The following GABRG2 variants were observed in gnomAD, a reference collection of about 807,000 sequenced individuals.
The protein encoded by GABRG2 is gamma-aminobutyric acid receptor subunit gamma-2.
Under a neutral mutation model 56.4 loss-of-function variants are expected in GABRG2, and 16 were observed. That is an observed-to-expected ratio of 0.28 (90% CI 0.19 to 0.43). The LOEUF (loss-of-function observed/expected upper bound fraction) is 0.43. Among genes scored for constraint, GABRG2 ranks in the 20% least tolerant of loss-of-function variants. The pLI is 1.00. For synonymous variants in GABRG2, 208 were observed against 205.5 expected, an observed-to-expected ratio of 1.01 and a Z score of -0.10; for missense variants, 327 against 582.7, an observed-to-expected ratio of 0.56 and a Z score of 4.52.
chr5:162,075,281 T>C (rs1348014662), intron 1 of GABRG2, among the ~76,000 whole-genome samples: 1 of 152,178 alleles, frequency 6.6e-6, no homozygotes, highest in Non-Finnish European at 1.5e-5. Context: ...GTGTTCCCTG[T>C]GCAATGTGTT....
intron 4 of GABRG2, 52 bp from the exon 5 acceptor site, chr5:162,101,183 A>C (rs908244332): frequency 5.0e-5 from 62 of 1,231,924 alleles, no homozygotes; most frequent in Non-Finnish European, 7.2e-5. Flanking sequence ...GCAAATTTAC[A>C]ATTTAAAATT....
At chr5:162,140,291 T>A (rs934089680) in intron 6 of GABRG2, among the ~76,000 whole-genome samples, 1 of 152,212 alleles carries the variant, frequency 6.6e-6, no homozygotes, top group African/African-American at 2.4e-5. Flanking sequence ...CAGGTCTGAC[T>A]TAAACAAGTA....
At chr5:162,146,013 G>T (rs564982305) in intron 7 of GABRG2, among the ~76,000 whole-genome samples, 1 of 151,044 alleles carries the variant, frequency 6.6e-6, no homozygotes, top group Admixed American at 6.6e-5. Context: ...ACAAGGTATT[G>T]GTACCCTATG....
chr5:162,087,513 T>A (rs1392423347), intron 1 of GABRG2, among the ~76,000 whole-genome samples: 3 of 152,094 alleles, frequency 2.0e-5, no homozygotes, highest in Non-Finnish European at 4.4e-5. Flanking sequence ...AGTTTATCTT[T>A]CTGTTTTTGT....
At chr5:162,072,849 G>T (rs1758787177) in intron 1 of GABRG2, among the ~76,000 whole-genome samples, 2 of 151,886 alleles carry the variant, frequency 1.3e-5, no homozygotes, top group South Asian at 4.2e-4. Flanking sequence ...TAATAAGTAT[G>T]AATGTGGATA....
intron 1 of GABRG2, among the ~76,000 whole-genome samples, chr5:162,072,403 G>T (rs952629863): frequency 5.9e-5 from 9 of 151,986 alleles, no homozygotes; most frequent in Non-Finnish European, 1.3e-4. Context: ...TGATTAAGAA[G>T]ATTGAATTAT....
chr5:162,133,136 G>A (rs776638801), intron 6 of GABRG2, among the ~76,000 whole-genome samples: 3 of 151,944 alleles, frequency 2.0e-5, no homozygotes, highest in African/African-American at 7.2e-5. Flanking sequence ...CCTGAAGGTA[G>A]CCTTTTAACA....
intron 5 of GABRG2, chr5:162,102,336 A>C: frequency 2.9e-6 from 1 of 343,026 alleles, no homozygotes; most frequent in Non-Finnish European, 5.8e-6. Flanking sequence ...TTCTTTTAAT[A>C]CTCCAATTGG....
chr5:162,129,698 A>G lies in GABRG2; in HGVS notation c.770-12466A>G, dbSNP rs530049118. On this transcript the variant is annotated intron_variant, in intron 6 of 9. Transcript: ENST00000639213. ...TATAAAGCAAATAAAGGTCAAACTA[A>G]GAAATAACAGGTTTTTTCTAAATTT... Among the ~76,000 whole-genome samples the G allele has an allele frequency of 2.6e-5, 4 of 152,072 alleles. No homozygotes were observed. The South Asian group carries it at 8.3e-4, about 32-fold the overall frequency.
rs1037832062 is a variant in GABRG2, at chr5:162,153,795, T to C, written c.*427T>C. 1.1e-4 allele frequency: 20 copies of C among 183,920 alleles called. No individual in the cohort carries two copies. The highest frequency in any genetic ancestry group is 5.4e-4 in the Admixed American group (10 of 18,450). The allele number at this position is 183,920 out of a possible 1,614,324, so 11.4% of individuals were successfully genotyped here. ...ATTTGATCCCAATAGAATACCTCCC[T>C]CATTTAAGAAAAATCATAACTCACT... On this transcript the variant is annotated 3_prime_UTR_variant, in exon 10 of 10. Coordinates refer to ENST00000639213, the MANE Select transcript of GABRG2 (RefSeq NM_198904.4).
intron 6 of GABRG2, among the ~76,000 whole-genome samples, chr5:162,128,683 G>A (rs576397281): frequency 3.2e-4 from 49 of 152,028 alleles, no homozygotes; most frequent in Non-Finnish European, 5.2e-4. Context: ...TGAGGAGGCA[G>A]GATGAAAAGC....
At chr5:162,146,681 C>T (rs1396156300) in intron 7 of GABRG2, among the ~76,000 whole-genome samples, 2 of 152,154 alleles carry the variant, frequency 1.3e-5, no homozygotes, top group Non-Finnish European at 2.9e-5. Flanking sequence ...TAGACAGATT[C>T]TGTTTTCATA....
chr5:162,097,245 G>C (rs1449352599), intron 3 of GABRG2, among the ~76,000 whole-genome samples: 1 of 152,064 alleles, frequency 6.6e-6, no homozygotes, highest in Non-Finnish European at 1.5e-5. Flanking sequence ...ATGGGTTTGG[G>C]GTTTGCTACT....
chr5:162,136,499 A>G (rs772395439), intron 6 of GABRG2, among the ~76,000 whole-genome samples: 7 of 152,024 alleles, frequency 4.6e-5, no homozygotes, highest in Non-Finnish European at 7.4e-5. Context: ...TGGTGGTGGC[A>G]TAGGTGGTCA....
chr5:162,075,243 T>C (rs1456061803), intron 1 of GABRG2, among the ~76,000 whole-genome samples: 1 of 152,204 alleles, frequency 6.6e-6, no homozygotes, highest in Non-Finnish European at 1.5e-5. Flanking sequence ...TTAGTCATGA[T>C]AACATAGGGA....
intron 9 of GABRG2, chr5:162,152,605 A>G (rs968466020): frequency 1.3e-5 from 3 of 238,730 alleles, no homozygotes; most frequent in Non-Finnish European, 2.5e-5. Context: ...ATTTATATAT[A>G]TTTTAACATT....
chr5:162,133,309 A>G (rs962073403), intron 6 of GABRG2, among the ~76,000 whole-genome samples: 21 of 152,142 alleles, frequency 1.4e-4, no homozygotes, highest in Admixed American at 2.6e-4. Flanking sequence ...TGTTTCTCAC[A>G]ATAGCCTTAG....
At chr5:162,124,127 C>A (rs1206815024) in intron 6 of GABRG2, among the ~76,000 whole-genome samples, 2 of 151,454 alleles carry the variant, frequency 1.3e-5, no homozygotes, top group African/African-American at 4.8e-5. Context: ...TTTCAAATAG[C>A]TAAAGAGAAA....
intron 1 of GABRG2, among the ~76,000 whole-genome samples, chr5:162,079,172 C>A (rs1448952530): frequency 6.6e-6 from 1 of 152,048 alleles, no homozygotes; most frequent in Non-Finnish European, 1.5e-5. Context: ...TTTCCATGGT[C>A]CATGATGGAA....
Sources: allele counts gnomAD v4.1 joint callset (sites outside exome capture counted in the v4.1 genomes callset), GRCh38; gene constraint gnomAD v4.1.1; transcripts MANE v1.5; gene names NCBI Gene and HGNC (gene_info 2026-07-23, HGNC 2026-07-21).